The following ATM variants were observed in gnomAD, a reference collection of about 807,000 sequenced individuals.
ATM encodes serine-protein kinase ATM.
ATM carries 308 observed loss-of-function variants against 387.0 expected under a neutral mutation model. The ratio of observed to expected loss-of-function variants is 0.80; its 90% CI spans 0.73 to 0.87. The LOEUF is 0.87. ATM is among the 40% of genes least tolerant of loss of function. The pLI, the probability that ATM is intolerant of heterozygous loss-of-function variation, is 0.00. For synonymous variants in ATM, 1,156 were observed against 1,187.3 expected, an observed-to-expected ratio of 0.97 and a Z score of 0.54; for missense variants, 3,312 against 3,560.9, an observed-to-expected ratio of 0.93 and a Z score of 1.78.
At chr11:108,310,852 G>T (rs964966160) in intron 39 of ATM, among the ~76,000 whole-genome samples, 1 of 152,064 alleles carries the variant, frequency 6.6e-6, no homozygotes, top group Non-Finnish European at 1.5e-5. Flanking sequence ...GACTGAGTTA[G>T]AACTGTCATA....
Position 108,249,020 on chromosome 11 carries a change from A to G in ATM, c.1153A>G (p.Lys385Glu), listed in dbSNP as rs2079996194. 1 of 1,614,062 alleles carries G rather than the reference A, an allele frequency of 6.2e-7. No individual in the cohort carries two copies. Among genetic ancestry groups the G allele is most frequent in the South Asian group, 1.1e-5 (1 of 91,082 alleles). Residue 385 changes from lysine (K) to glutamate (E), a missense_variant, in exon 9 of 63, where the codon AAA becomes GAA. Physicochemically the swap from Lys to Glu is moderately conservative, Grantham distance 56. Transcript: ENST00000675843. Reference protein sequence around the residue: ...RESSDYSVPCKRKKIELGWEV... With the variant: ...RESSDYSVPCERKKIELGWEV... ...ATCTAGTGATTACAGTGTCCCTTGCAAAAGGAAGAAAATAGAACTAGGCTG... is the reference window on the plus strand; with the variant it reads ...ATCTAGTGATTACAGTGTCCCTTGCGAAAGGAAGAAAATAGAACTAGGCTG...
At chr11:108,253,592 A>G (rs993653133) in intron 12 of ATM, among the ~76,000 whole-genome samples, 1 of 151,968 alleles carries the variant, frequency 6.6e-6, no homozygotes, top group Non-Finnish European at 1.5e-5. Context: ...TTTTTTCTCT[A>G]TCTATTAGTA....
intron 15 of ATM, among the ~76,000 whole-genome samples, chr11:108,258,180 G>C (rs1291102302): frequency 1.3e-5 from 2 of 152,180 alleles, no homozygotes; most frequent in African/African-American, 2.4e-5. Flanking sequence ...ACAGGTGTCA[G>C]CTACCATATC....
At chr11:108,258,901 C>T (rs1565399520) in intron 15 of ATM, 85 bp from the exon 16 acceptor site, 3 of 1,055,998 alleles carry the variant, frequency 2.8e-6, no homozygotes, top group Non-Finnish European at 4.4e-6. Flanking sequence ...ATCTACATTC[C>T]ATTCAAGATA....
At chr11:108,266,079 T>C (rs1326874748) in intron 16 of ATM, among the ~76,000 whole-genome samples, 2 of 151,880 alleles carry the variant, frequency 1.3e-5, no homozygotes, top group African/African-American at 4.8e-5. Flanking sequence ...AGTGTGGTGA[T>C]TCCTCAGGGA....
At chr11:108,253,214 C>T (rs568842504) in intron 12 of ATM, among the ~76,000 whole-genome samples, 4 of 152,190 alleles carry the variant, frequency 2.6e-5, no homozygotes, top group African/African-American at 9.6e-5. Context: ...GAAATAAGTT[C>T]TTAAAGATGT....
At position 108,247,590 on chromosome 11, in the gene ATM, T is replaced by A. The variant is rs529235642; in HGVS notation, c.1065+463T>A. On this transcript the variant is annotated intron_variant, in intron 8 of 62. Coordinates refer to ENST00000675843, the MANE Select transcript of ATM (RefSeq NM_000051.4). ...CCATCATCACTAATTCTGGAAACTT[T>A]TTTTATTTTATTTTTATTTTTTTGA... Among the ~76,000 whole-genome samples the A allele has an allele frequency of 2.0e-5, 3 of 152,238 alleles. No homozygotes were observed. The South Asian group carries it at 6.2e-4, about 32-fold the overall frequency.
chr11:108,353,754 TCTTTA>T lies in ATM; in HGVS notation c.8672-6_8672-2del, dbSNP rs2089488857. Reference sequence around the variant, plus strand: ...GTCAAACCTCCTAACTTCACTGTATTCTTTACTTTAGGTGTTGCTTTTGAACAGGG... The same window carrying T: ...GTCAAACCTCCTAACTTCACTGTATTCTTTAGGTGTTGCTTTTGAACAGGG... On this transcript the variant is annotated splice_region_variant and splice_polypyrimidine_tract_variant and intron_variant, in intron 59 of 62. Transcript: ENST00000675843. 4.4e-6 allele frequency: 7 copies of T among 1,582,160 alleles called. No individual in the cohort carries two copies. Among genetic ancestry groups the T allele is most frequent in the African/African-American group, 1.3e-5 (1 of 74,360 alleles).
rs2089674671 is a variant in ATM at position 108,354,742 on chromosome 11, T to C, written c.8787-69T>C. ...GCTCAGCATACTACACATGAGAGTA[T>C]ACAGATAAAGATACGTTGACAACAT... On this transcript the variant is annotated intron_variant, in intron 60 of 62. Transcript: ENST00000675843. The C allele has an allele frequency of 3.1e-6, 4 of 1,305,578 alleles. No individual in the cohort carries two copies. The Admixed American group carries it at 6.7e-5, about 22-fold the overall frequency. 80.9% of individuals were successfully genotyped at this position (1,305,578 alleles called of 1,614,324 possible). A position where few individuals can be genotyped will look rare whatever the true frequency, so the allele number is the denominator to read the frequency against.
At chr11:108,360,667 A>G (rs2090617585) in intron 61 of ATM, among the ~76,000 whole-genome samples, 1 of 149,238 alleles carries the variant, frequency 6.7e-6, no homozygotes, top group South Asian at 2.2e-4. Flanking sequence ...AATGTAATCC[A>G]GCATATAAAC....
intron 34 of ATM, among the ~76,000 whole-genome samples, chr11:108,300,261 T>C (rs1476595006): frequency 2.0e-5 from 3 of 152,192 alleles, no homozygotes; most frequent in Non-Finnish European, 4.4e-5. Context: ...CTTATTTTGA[T>C]CCTTTTAAAA....
At position 108,254,027 on chromosome 11, in the gene ATM, T is replaced by C. The variant is rs2080317012; in HGVS notation, c.2112T>C (p.Asn704=). 1 of 1,613,674 alleles carries C rather than the reference T, an allele frequency of 6.2e-7. No individual in the cohort carries two copies. Among genetic ancestry groups the C allele is most frequent in the Non-Finnish European group, 8.5e-7 (1 of 1,179,856 alleles). Residue 704 remains asparagine, a synonymous_variant, in exon 13 of 63, where the codon AAT becomes AAC. Coordinates refer to ENST00000675843, the MANE Select transcript of ATM (RefSeq NM_000051.4). The part of the protein sequence containing the change: ...LLGLSEQLLN[N]YSSEITNSET... The stretch of plus-strand genomic sequence containing the variant: ...GATTATCAGAACAGCTTCTGAATAA[T>C]TACTCATCTGAGGTGAGATTTTTTA...
rs1565486050 is a variant in ATM, at chr11:108,307,926, G to T, written c.5704G>T (p.Asp1902Tyr). 6.2e-7 allele frequency: 1 copy of T among 1,613,812 alleles called. No individual in the cohort carries two copies. Among genetic ancestry groups the T allele is most frequent in the Non-Finnish European group, 8.5e-7 (1 of 1,179,878 alleles). ...ESEHFFRCCL[D>Y]KKSQRTMLAV... ...AGAGCACTTTTTCCGATGCTGTTTG[G>T]ATAAAAAATCACAAAGAACAATGCT... The change falls in exon 38 of 63, where the codon GAT (aspartate) becomes TAT (tyrosine). Residue 1902 changes from aspartate (D) to tyrosine (Y), a missense_variant. Physicochemically the swap from Asp to Tyr is radical, Grantham distance 160 (BLOSUM62 -3). Coordinates refer to ENST00000675843, the MANE Select transcript of ATM (RefSeq NM_000051.4).
chr11:108,321,346 G>A lies in ATM; in HGVS notation c.6498G>A (p.Val2166=), dbSNP rs746514937. 28 of 1,614,052 alleles carry A rather than the reference G, an allele frequency of 1.7e-5. No homozygotes were observed. The South Asian group carries it at 2.7e-4, about 16-fold the overall frequency. The change falls in exon 45 of 63, where the codon GTG becomes GTA. Residue 2166 remains valine (V), a synonymous_variant. Coordinates refer to ENST00000675843, the MANE Select transcript of ATM (RefSeq NM_000051.4). ...TGTGTAAGCGCAGCCTTGAGTCTGT[G>A]TATTCGCTCTATCCCACACTTAGCA... ...EEMCKRSLES[V]YSLYPTLSRL...
At chr11:108,346,400 T>C (rs1216402271) in intron 58 of ATM, 2 of 153,188 alleles carry the variant, frequency 1.3e-5, no homozygotes, top group Admixed American at 6.5e-5. Context: ...ATTTTGACTT[T>C]TTTTCCCTAA....
intron 18 of ATM, 27 bp from the exon 19 acceptor site, chr11:108,271,037 T>A (rs1386644821): frequency 6.3e-7 from 1 of 1,589,034 alleles, no homozygotes; most frequent in East Asian, 2.2e-5. Context: ...TGGATAAACC[T>A]GATTTTTTTC....
rs977636075 is a variant in ATM at position 108,253,723 on chromosome 11, T to A, written c.1899-91T>A. 7 of 858,544 alleles carry A rather than the reference T, an allele frequency of 8.2e-6. No individual in the cohort carries two copies. In the African/African-American group the frequency reaches 1.2e-4, roughly 15 times the overall value. The allele number at this position is 858,544 out of a possible 1,614,324, so 53.2% of individuals were successfully genotyped here. A position where few individuals can be genotyped will look rare whatever the true frequency, so the allele number is the denominator to read the frequency against. On this transcript the variant is annotated intron_variant, in intron 12 of 62. Coordinates refer to ENST00000675843, the MANE Select transcript of ATM (RefSeq NM_000051.4). ...GTCTTTGAATGATGTAGATACTAGG[T>A]TAATGTTTTCCTTTGTAATATATTG...
intron 61 of ATM, among the ~76,000 whole-genome samples, chr11:108,364,873 G>T (rs1050891374): frequency 1.4e-4 from 21 of 152,182 alleles, no homozygotes; most frequent in African/African-American, 5.1e-4. Context: ...TAACCATGGA[G>T]GAAGAATGAA....
chr11:108,354,070 AACACACACAC>A (rs71047689), intron 60 of ATM, among the ~76,000 whole-genome samples, 190 bp downstream of exon 60: 103 of 114,948 alleles, frequency 9.0e-4, no homozygotes, highest in Non-Finnish European at 1.3e-3. Context: ...CACACACACA[AACACACACAC>A]ACACACACAC....
Sources: allele counts gnomAD v4.1 joint callset (sites outside exome capture counted in the v4.1 genomes callset), GRCh38; gene constraint gnomAD v4.1.1; transcripts MANE v1.5; gene names NCBI Gene and HGNC (gene_info 2026-07-23, HGNC 2026-07-21).